PHLDB1: variants seen among roughly 807,000 people sequenced by gnomAD.
PHLDB1 encodes pleckstrin homology-like domain family B member 1.
Under a neutral mutation model 139.3 loss-of-function variants are expected in PHLDB1, and 65 were observed. The ratio of observed to expected loss-of-function variants is 0.47; its 90% CI spans 0.38 to 0.57. The LOEUF (loss-of-function observed/expected upper bound fraction) is 0.57, where lower values mean the gene tolerates loss of function less well. Among genes scored for constraint, PHLDB1 ranks in the 20% least tolerant of loss-of-function variants. The pLI is 0.00. For missense variants in PHLDB1, 1,624 were observed against 1,839.7 expected, an observed-to-expected ratio of 0.88 and a Z score of 2.14; for synonymous variants, 679 against 734.5, an observed-to-expected ratio of 0.92 and a Z score of 1.22.
chr11:118,643,346 A>G (rs1555123065), intron 13 of PHLDB1: 1 of 168,198 alleles, frequency 5.9e-6, no homozygotes, highest in African/African-American at 2.4e-5. Context: ...ACCACATGCT[A>G]GTGCTGCAGG....
chr11:118,626,020 G>A (rs1319586756), intron 5 of PHLDB1, among the ~76,000 whole-genome samples: 1 of 152,202 alleles, frequency 6.6e-6, no homozygotes, highest in African/African-American at 2.4e-5. Context: ...TTGGGGCAGT[G>A]GTTCCAGGGA....
chr11:118,645,893 G>A lies in PHLDB1; in HGVS notation c.3507+68G>A, dbSNP rs1269767286. ...CAGAGCTACCTACTGCATGTCAAGGGCCTGTGCTCCACCCCAAGCCCTTCC... is the reference window on the plus strand; with the variant it reads ...CAGAGCTACCTACTGCATGTCAAGGACCTGTGCTCCACCCCAAGCCCTTCC... On this transcript the variant is annotated intron_variant, in intron 17 of 22. Transcript: ENST00000600882. The surrounding 1 kb of genome is among the most constrained non-coding windows in gnomAD (Gnocchi z 5.1). 19 of 983,364 alleles carry A rather than the reference G, an allele frequency of 1.9e-5. No individual in the cohort carries two copies. Among genetic ancestry groups the A allele is most frequent in the Non-Finnish European group, 3.0e-5 (18 of 606,918 alleles). The allele number at this position is 983,364 out of a possible 1,614,324, so 60.9% of individuals were successfully genotyped here.
chr11:118,656,922 C>A lies in PHLDB1; in HGVS notation c.*99C>A. 9.1e-7 allele frequency: 1 copy of A among 1,094,330 alleles called. No individual in the cohort carries two copies. The highest frequency in any genetic ancestry group is 1.3e-6 in the Non-Finnish European group (1 of 765,658). The allele number at this position is 1,094,330 out of a possible 1,614,324, so 67.8% of individuals were successfully genotyped here. ...GGTCCTGTGAGTTTCTGGGCTCTGGCCTCCTGAAGAACCAGCCAGAAGAAG... is the reference window on the plus strand; with the variant it reads ...GGTCCTGTGAGTTTCTGGGCTCTGGACTCCTGAAGAACCAGCCAGAAGAAG... On this transcript the variant is annotated 3_prime_UTR_variant, in exon 23 of 23. Transcript: ENST00000600882.
chr11:118,614,542 AC>A lies in PHLDB1; in HGVS notation c.61-14del. The A allele has an allele frequency of 1.2e-6, 2 of 1,613,118 alleles. No individual in the cohort carries two copies. Among genetic ancestry groups the A allele is most frequent in the Non-Finnish European group, 1.7e-6 (2 of 1,179,540 alleles). Reference sequence around the variant, plus strand: ...CTGAATCTAATGATGCTTGTCCTCCACCCGTACTACCTACAGAAAGGACCCT... The same window carrying A: ...CTGAATCTAATGATGCTTGTCCTCCACCGTACTACCTACAGAAAGGACCCT... On this transcript the variant is annotated splice_polypyrimidine_tract_variant and intron_variant, in intron 2 of 22. Coordinates refer to ENST00000600882, the MANE Select transcript of PHLDB1 (RefSeq NM_001144758.3).
At position 118,608,744 on chromosome 11, in the gene PHLDB1, C is replaced by A. The variant is rs1425834760; in HGVS notation, c.-22+1045C>A. On this transcript the variant is annotated intron_variant, in intron 1 of 22. Coordinates refer to ENST00000600882, the MANE Select transcript of PHLDB1 (RefSeq NM_001144758.3). The surrounding 1 kb of genome is among the most constrained non-coding windows in gnomAD (Gnocchi z 6.7). Reference sequence around the variant, plus strand: ...TTCGCACACCTACGTCCCTGCGTCACGCCACCCAGACACACCCGGACCCGC... The same window carrying A: ...TTCGCACACCTACGTCCCTGCGTCAAGCCACCCAGACACACCCGGACCCGC... Among the ~76,000 whole-genome samples, 1 of 152,168 alleles carries A rather than the reference C, an allele frequency of 6.6e-6. No homozygotes were observed. Among genetic ancestry groups the A allele is most frequent in the Middle Eastern group, 3.2e-3 (1 of 316 alleles).
intron 7 of PHLDB1, 138 bp from the exon 8 acceptor site, chr11:118,631,775 C>T (rs517124): frequency 6.6e-6 from 5 of 751,930 alleles, no homozygotes; most frequent in Admixed American, 2.9e-5. Flanking sequence ...GTGGGGGTTG[C>T]GGGGGGGCAG....
At chr11:118,609,359 G>A (rs1939723853) in intron 1 of PHLDB1, among the ~76,000 whole-genome samples, 1 of 120,588 alleles carries the variant, frequency 8.3e-6, no homozygotes, top group Non-Finnish European at 1.7e-5. Flanking sequence ...CACACACACA[G>A]CCTATCACAC....
intron 5 of PHLDB1, among the ~76,000 whole-genome samples, chr11:118,625,950 C>T (rs1480912797): frequency 6.6e-6 from 1 of 152,212 alleles, no homozygotes; most frequent in Non-Finnish European, 1.5e-5. Flanking sequence ...TCCCAGTCTA[C>T]TCCCTAGTTA....
chr11:118,631,389 T>C lies in PHLDB1; in HGVS notation c.2010T>C (p.Val670=). The C allele has an allele frequency of 6.6e-7, 1 of 1,508,770 alleles. No homozygotes were observed. The highest frequency in any genetic ancestry group is 8.9e-7 in the Non-Finnish European group (1 of 1,129,830). 93.5% of individuals were successfully genotyped at this position (1,508,770 alleles called of 1,614,324 possible). A position where few individuals can be genotyped will look rare whatever the true frequency, so the allele number is the denominator to read the frequency against. ...ASGRSSEEPG[V]ATQRLWESME... ...GGCGGAGCAGCGAGGAGCCTGGCGT[T>C]GCCACCCAACGCCTATGGGAGAGTA... The change falls in exon 7 of 23, where the codon GTT becomes GTC. Residue 670 remains valine, a synonymous_variant. Coordinates refer to ENST00000600882, the MANE Select transcript of PHLDB1 (RefSeq NM_001144758.3).
chr11:118,625,900 T>C (rs1355854404), intron 5 of PHLDB1, among the ~76,000 whole-genome samples: 1 of 152,164 alleles, frequency 6.6e-6, no homozygotes, highest in Non-Finnish European at 1.5e-5. Flanking sequence ...TTCCCTACCC[T>C]CGATCTTTTC....
At chr11:118,638,856 C>T in intron 10 of PHLDB1, 35 bp from the exon 11 acceptor site, 1 of 1,518,270 alleles carries the variant, frequency 6.6e-7, no homozygotes, top group Non-Finnish European at 9.0e-7. Context: ...AGCCCTGTCT[C>T]CCCAGGGCCT....
chr11:118,650,757 T>C lies in PHLDB1; in HGVS notation c.3874+210T>C, dbSNP rs1345261992. 1 of 584,912 alleles carries C rather than the reference T, an allele frequency of 1.7e-6. No individual in the cohort carries two copies. Among genetic ancestry groups the C allele is most frequent in the Non-Finnish European group, 3.1e-6 (1 of 327,438 alleles). The allele number at this position is 584,912 out of a possible 1,614,324, so 36.2% of individuals were successfully genotyped here. On this transcript the variant is annotated intron_variant, in intron 20 of 22. Coordinates refer to ENST00000600882, the MANE Select transcript of PHLDB1 (RefSeq NM_001144758.3). The surrounding 1 kb of genome is among the most constrained non-coding windows in gnomAD (Gnocchi z 4.7). Reference sequence around the variant, plus strand: ...TCATTCATTCCTTCATTCAGCAATGTTACTAAGCATCTAGTAAGTTCTAGG... The same window carrying C: ...TCATTCATTCCTTCATTCAGCAATGCTACTAAGCATCTAGTAAGTTCTAGG...
In PHLDB1 at chr11:118,645,490, C is replaced by G; in HGVS notation, c.3256C>G (p.Leu1086Val). ...AGCGGGCCCCTCGGGCTTCCCCCCT[C>G]TCATGCACCACTCTATCCTACACCA... The part of the protein sequence containing the change: ...FPAGPSGFPP[L>V]MHHSILHHLP... The change falls in exon 16 of 23, where the codon CTC becomes GTC. Residue 1086 changes from leucine to valine, a missense_variant. By Grantham distance (32) the Leu-to-Val change is conservative (BLOSUM62 1). Transcript: ENST00000600882. This position sits in a 1 kb window ranked among gnomAD's most constrained non-coding sequence, Gnocchi z 5.1. The G allele has an allele frequency of 1.2e-6, 2 of 1,612,360 alleles. No individual in the cohort carries two copies. The highest frequency in any genetic ancestry group is 1.7e-6 in the Non-Finnish European group (2 of 1,179,196).
Position 118,610,762 on chromosome 11 carries a change from C to T in PHLDB1, c.-21-3054C>T, listed in dbSNP as rs1555083249. Among the ~76,000 whole-genome samples the T allele has an allele frequency of 1.3e-5, 2 of 152,148 alleles. No homozygotes were observed. Among genetic ancestry groups the T allele is most frequent in the African/African-American group, 4.8e-5 (2 of 41,442 alleles). On this transcript the variant is annotated intron_variant, in intron 1 of 22. Coordinates refer to ENST00000600882, the MANE Select transcript of PHLDB1 (RefSeq NM_001144758.3). This position sits in a 1 kb window ranked among gnomAD's most constrained non-coding sequence, Gnocchi z 8.7. ...TGGGTGCTCCACTCGGCGGAGAGGG[C>T]TTCAGACTGGTGTCCCGCGTGGCTG...
Position 118,650,723 on chromosome 11 carries a change from T to A in PHLDB1, c.3874+176T>A. 1 of 601,538 alleles carries A rather than the reference T, an allele frequency of 1.7e-6. No individual in the cohort carries two copies. The highest frequency in any genetic ancestry group is 2.9e-5 in the Admixed American group (1 of 34,148). The allele number at this position is 601,538 out of a possible 1,614,324, so 37.3% of individuals were successfully genotyped here. A position where few individuals can be genotyped will look rare whatever the true frequency, so the allele number is the denominator to read the frequency against. The stretch of plus-strand genomic sequence containing the variant: ...AATGTACCTGGTTCACCTCCATTTT[T>A]GTGTTCATTCATTCATTCCTTCATT... On this transcript the variant is annotated intron_variant, in intron 20 of 22. Transcript: ENST00000600882. The surrounding 1 kb of genome is among the most constrained non-coding windows in gnomAD (Gnocchi z 4.7).
At chr11:118,607,329 TGTGGTGGTGGTGGTG>T (rs60326273), upstream of PHLDB1, among the ~76,000 whole-genome samples, 267 of 57,652 alleles carry the variant, frequency 4.6e-3, 2 homozygotes, top group African/African-American at 7.7e-3. Context: ...GAGGGGGATG[TGTGGTGGTGGTGGTG>T]GTGGTGGTGG....
intron 18 of PHLDB1, 77 bp downstream of exon 18, chr11:118,648,153 C>T: frequency 1.4e-6 from 2 of 1,381,756 alleles, no homozygotes; most frequent in Non-Finnish European, 2.0e-6. Context: ...CCCAGGGTTT[C>T]TGTGTTGGGC....
intron 18 of PHLDB1, among the ~76,000 whole-genome samples, chr11:118,649,563 T>G (rs1948060706): frequency 6.6e-6 from 1 of 152,022 alleles, no homozygotes; most frequent in African/African-American, 2.4e-5. Flanking sequence ...ACAGGAAGAG[T>G]AGAAAAATAT....
rs1458775183 is a variant in PHLDB1, at chr11:118,620,403, A to G, written c.355+4192A>G. Among the ~76,000 whole-genome samples the G allele has an allele frequency of 1.4e-4, 22 of 152,214 alleles. No homozygotes were observed. Among genetic ancestry groups the G allele is most frequent in the Admixed American group, 1.4e-3 (22 of 15,280 alleles). On this transcript the variant is annotated intron_variant, in intron 4 of 22. Coordinates refer to ENST00000600882, the MANE Select transcript of PHLDB1 (RefSeq NM_001144758.3). The surrounding 1 kb of genome is among the most constrained non-coding windows in gnomAD (Gnocchi z 4.1). The stretch of plus-strand genomic sequence containing the variant: ...CAGCTATGGGAGGCTGAGGCAGGAG[A>G]ATCGCTTGAACCCCGGAGGCGGAGG...
Sources: gnomAD v4.1 joint callset for allele counts (sites outside exome capture counted in the v4.1 genomes callset) on GRCh38, gnomAD v4.1.1 for gene constraint, Gnocchi (gnomAD v3.1) non-coding constraint, MANE v1.5 for transcripts, NCBI Gene and HGNC (gene_info 2026-07-23, HGNC 2026-07-21) for gene names.